The following GRID2 variants were observed in gnomAD, a reference collection of about 807,000 sequenced individuals.
GRID2 encodes glutamate ionotropic receptor delta type subunit 2, also known as glutamate receptor ionotropic, delta-2.
Under a neutral mutation model 114.8 loss-of-function variants are expected in GRID2, and 33 were observed. That is an observed-to-expected ratio of 0.29 (90% CI 0.22 to 0.38). The LOEUF (loss-of-function observed/expected upper bound fraction) is 0.38. GRID2 is among the 10% of genes least tolerant of loss of function. GRID2 has a pLI of 1.00. For synonymous variants in GRID2, 505 were observed against 449.9 expected (o/e 1.12, Z -1.55); for missense variants, 1,184 against 1,257.7 (o/e 0.94, Z 0.89).
intron 2 of GRID2, among the ~76,000 whole-genome samples, chr4:92,603,210 A>G (rs986853759): frequency 6.6e-5 from 10 of 152,312 alleles, no homozygotes; most frequent in Admixed American, 6.5e-4. Context: ...TTTAAAATTC[A>G]TATGGAACCA....
chr4:93,807,829 T>TGGGAATACAA (rs1271820698), exon 2 of GRID2: 7 of 152,198 alleles, frequency 4.6e-5, no homozygotes, highest in African/African-American at 1.7e-4. Flanking sequence ...TATTACATTT[T>TGGGAATACAA]GGGAATACAA....
At chr4:93,589,186 T>A (rs1371449085) in intron 13 of GRID2, among the ~76,000 whole-genome samples, 2 of 146,978 alleles carry the variant, frequency 1.4e-5, no homozygotes, top group African/African-American at 5.1e-5. Context: ...TATCTCCCAA[T>A]GCTATCCCTC....
At chr4:92,918,253 T>G (rs1350031054) in intron 2 of GRID2, among the ~76,000 whole-genome samples, 1 of 152,182 alleles carries the variant, frequency 6.6e-6, no homozygotes, top group Non-Finnish European at 1.5e-5. Context: ...TATATTGGGC[T>G]GAGACGATGG....
At chr4:93,305,948 A>G (rs1300160584) in intron 8 of GRID2, among the ~76,000 whole-genome samples, 1 of 152,184 alleles carries the variant, frequency 6.6e-6, no homozygotes, top group East Asian at 1.9e-4. Context: ...ACGCTTCCCC[A>G]TCTGAAATTA....
At chr4:92,536,657 A>C (rs1291988247) in intron 1 of GRID2, among the ~76,000 whole-genome samples, 1 of 152,154 alleles carries the variant, frequency 6.6e-6, no homozygotes, top group African/African-American at 2.4e-5. Flanking sequence ...AAATATCTTC[A>C]AAATCTTGCT....
At chr4:93,032,159 T>C (rs1447958333) in intron 2 of GRID2, among the ~76,000 whole-genome samples, 1 of 152,202 alleles carries the variant, frequency 6.6e-6, no homozygotes. Context: ...TTTATGATTA[T>C]GAATGCAGGC....
At chr4:92,598,005 C>T (rs1350728820) in intron 2 of GRID2, among the ~76,000 whole-genome samples, 1 of 152,136 alleles carries the variant, frequency 6.6e-6, no homozygotes, top group Non-Finnish European at 1.5e-5. Context: ...AGCAAGCTGA[C>T]ATTTACTTTC....
chr4:92,644,260 G>C (rs1482557096), intron 2 of GRID2, among the ~76,000 whole-genome samples: 1 of 151,612 alleles, frequency 6.6e-6, no homozygotes, highest in Non-Finnish European at 1.5e-5. Context: ...TTTATTAAAT[G>C]ATACAACATA....
chr4:92,685,992 T>C (rs1053625691), intron 2 of GRID2, among the ~76,000 whole-genome samples: 2 of 152,058 alleles, frequency 1.3e-5, no homozygotes, highest in African/African-American at 2.4e-5. Flanking sequence ...TGCTGCATCA[T>C]TGGTATCTTA....
At chr4:92,322,137 G>T (rs1726346363) in intron 1 of GRID2, among the ~76,000 whole-genome samples, 1 of 152,158 alleles carries the variant, frequency 6.6e-6, no homozygotes, top group Admixed American at 6.5e-5. Context: ...GAAAGATTTA[G>T]ATTTATAACT....
chr4:92,643,593 A>G (rs1383237343), intron 2 of GRID2, among the ~76,000 whole-genome samples: 1 of 151,806 alleles, frequency 6.6e-6, no homozygotes, highest in South Asian at 2.1e-4. Context: ...AATAGCTACA[A>G]AAAAATGAAA....
At chr4:92,824,986 T>TA (rs35937917) in intron 2 of GRID2, among the ~76,000 whole-genome samples, 18,009 of 151,638 alleles carry the variant, frequency 0.12, 1,470 homozygotes, top group Middle Eastern at 0.25. Flanking sequence ...ACAAATTTCT[T>TA]AAAAAAAAGG....
intron 2 of GRID2, among the ~76,000 whole-genome samples, chr4:92,860,335 G>T (rs559210576): frequency 6.6e-6 from 1 of 152,046 alleles, no homozygotes. Flanking sequence ...TTGCTTACTC[G>T]AGATGTTGGT....
intron 8 of GRID2, among the ~76,000 whole-genome samples, chr4:93,387,579 C>T (rs1764441986): frequency 6.6e-6 from 1 of 152,020 alleles, no homozygotes; most frequent in Admixed American, 6.6e-5. Flanking sequence ...CTTGTAATCC[C>T]AGCACTTTGG....
At chr4:92,331,297 A>G (rs896281640) in intron 1 of GRID2, among the ~76,000 whole-genome samples, 1 of 152,232 alleles carries the variant, frequency 6.6e-6, no homozygotes, top group Non-Finnish European at 1.5e-5. Flanking sequence ...AAAAAGTGCC[A>G]GTGGATAAGC....
At chr4:92,384,656 A>AT (rs1729847973) in intron 1 of GRID2, among the ~76,000 whole-genome samples, 1 of 75,250 alleles carries the variant, frequency 1.3e-5, no homozygotes, top group Non-Finnish European at 2.9e-5. Context: ...TAATATATAG[A>AT]CATATTATAT....
chr4:92,555,581 C>T (rs1726811120), intron 1 of GRID2, among the ~76,000 whole-genome samples: 1 of 152,080 alleles, frequency 6.6e-6, no homozygotes, highest in East Asian at 1.9e-4. Flanking sequence ...TAGAGAAAAA[C>T]TTCCTAAAAT....
At chr4:92,960,510 T>G (rs1033961715) in intron 2 of GRID2, among the ~76,000 whole-genome samples, 2 of 152,076 alleles carry the variant, frequency 1.3e-5, no homozygotes, top group African/African-American at 4.8e-5. Context: ...TATCATGTAA[T>G]GCTCCTCCTT....
intron 1 of GRID2, among the ~76,000 whole-genome samples, chr4:92,569,897 C>T (rs1258726149): frequency 1.3e-5 from 2 of 152,002 alleles, no homozygotes; most frequent in African/African-American, 2.4e-5. Flanking sequence ...AACTTTCTCC[C>T]ATTCTGTAGG....
Sources: allele counts gnomAD v4.1 joint callset (sites outside exome capture counted in the v4.1 genomes callset), GRCh38; gene constraint gnomAD v4.1.1; transcripts MANE v1.5; gene names NCBI Gene and HGNC (gene_info 2026-07-23, HGNC 2026-07-21).